The following MFAP3 variants were observed in gnomAD, a reference collection of about 807,000 sequenced individuals.
MFAP3 encodes microfibril associated protein 3.
MFAP3 carries 8 observed loss-of-function variants against 20.5 expected under a neutral mutation model. That is an observed-to-expected ratio of 0.39 (90% CI 0.23 to 0.70). The LOEUF (loss-of-function observed/expected upper bound fraction) is 0.70, where lower values mean the gene tolerates loss of function less well. Ranked by LOEUF, MFAP3 falls within the 30% of genes least tolerant of loss-of-function variation. MFAP3 has a pLI of 0.44. For missense variants in MFAP3, 398 were observed against 444.6 expected, an observed-to-expected ratio of 0.90 and a Z score of 0.94; for synonymous variants, 140 against 154.0, an observed-to-expected ratio of 0.91 and a Z score of 0.67.
chr5:154,043,656 C>T (rs1157446547), intron 1 of MFAP3, among the ~76,000 whole-genome samples: 1 of 151,996 alleles, frequency 6.6e-6, no homozygotes, highest in Admixed American at 6.6e-5. Context: ...GAAGGTGACA[C>T]TTTGGTTTTC....
At chr5:154,047,040 G>C (rs1435038824) in intron 1 of MFAP3, among the ~76,000 whole-genome samples, 2 of 152,090 alleles carry the variant, frequency 1.3e-5, no homozygotes, top group African/African-American at 4.8e-5. Flanking sequence ...CAATTTTTTA[G>C]CTGTTTTTTG....
chr5:154,049,069 T>G (rs1349445761), intron 1 of MFAP3, among the ~76,000 whole-genome samples: 1 of 152,186 alleles, frequency 6.6e-6, no homozygotes, highest in African/African-American at 2.4e-5. Context: ...ATTACTCAAA[T>G]TTTGAGCTCC....
rs1307836557 is a variant in MFAP3, at chr5:154,055,344, AC to A, written c.*1632del. Among the ~76,000 whole-genome samples the A allele has an allele frequency of 1.3e-5, 2 of 152,232 alleles. No individual in the cohort carries two copies. Among genetic ancestry groups the A allele is most frequent in the African/African-American group, 4.8e-5 (2 of 41,466 alleles). Reference sequence around the variant, plus strand: ...TTTGTCCAGGCTTATCAGAAGTAATACATCTGCTCTGAATAGCATGAATGAA... The same window carrying A: ...TTTGTCCAGGCTTATCAGAAGTAATAATCTGCTCTGAATAGCATGAATGAA... On this transcript the variant is annotated 3_prime_UTR_variant, in exon 3 of 3. Transcript: ENST00000522782.
chr5:154,044,079 C>T (rs557212173), intron 1 of MFAP3, among the ~76,000 whole-genome samples: 1 of 152,322 alleles, frequency 6.6e-6, no homozygotes, highest in South Asian at 2.1e-4. Flanking sequence ...TGTTTCTGGG[C>T]TGTCTTTCAA....
At chr5:154,051,190 G>T (rs1773184169) in intron 2 of MFAP3, among the ~76,000 whole-genome samples, 1 of 152,104 alleles carries the variant, frequency 6.6e-6, no homozygotes, top group Admixed American at 6.6e-5. Context: ...ATGATTTGGG[G>T]TTCCATATTT....
At chr5:154,049,217 A>G (rs1270588333) in intron 1 of MFAP3, among the ~76,000 whole-genome samples, 1 of 152,198 alleles carries the variant, frequency 6.6e-6, no homozygotes, top group African/African-American at 2.4e-5. Flanking sequence ...TCAGAATGAA[A>G]TAGAATCATG....
Position 154,053,068 on chromosome 5 carries a change from T to G in MFAP3, c.444T>G (p.Ser148Arg). ...TTATCTTCACCTCGGGAGACATGAG[T>G]GTCTATTACATGATTGTTTGCCTGA... ...LRVIFTSGDM[S>R]VYYMIVCLIA... Residue 148 changes from serine (S) to arginine (R), a missense_variant, in exon 3 of 3, where the codon AGT becomes AGG. Transcript: ENST00000522782. 1 of 1,613,800 alleles carries G rather than the reference T, an allele frequency of 6.2e-7. No individual in the cohort carries two copies. Among genetic ancestry groups the G allele is most frequent in the Non-Finnish European group, 8.5e-7 (1 of 1,179,870 alleles).
At chr5:154,046,277 AG>A (rs1773071455) in intron 1 of MFAP3, among the ~76,000 whole-genome samples, 1 of 152,250 alleles carries the variant, frequency 6.6e-6, no homozygotes, top group Admixed American at 6.5e-5. Flanking sequence ...TTTGTTTCAG[AG>A]AATTTATAAT....
chr5:154,041,800 A>G (rs1171306975), intron 1 of MFAP3, among the ~76,000 whole-genome samples: 1 of 152,254 alleles, frequency 6.6e-6, no homozygotes, highest in Non-Finnish European at 1.5e-5. Context: ...CAGGTGAGAT[A>G]AAAGGATATG....
At position 154,045,293 on chromosome 5, in the gene MFAP3, C is replaced by T. The variant is rs1012011360; in HGVS notation, c.-166-4264C>T. Among the ~76,000 whole-genome samples, 11 of 152,096 alleles carry T rather than the reference C, an allele frequency of 7.2e-5. No individual in the cohort carries two copies. In the East Asian group the frequency reaches 1.2e-3, roughly 16 times the overall value. ...GGGGAGCCGTTGGGTAAGTAGATCACGACAAATCTTCTCTACCACAAACTG... is the reference window on the plus strand; with the variant it reads ...GGGGAGCCGTTGGGTAAGTAGATCATGACAAATCTTCTCTACCACAAACTG... On this transcript the variant is annotated intron_variant, in intron 1 of 2. Transcript: ENST00000522782.
chr5:154,041,055 C>G (rs1043872720), intron 1 of MFAP3, among the ~76,000 whole-genome samples: 1 of 151,416 alleles, frequency 6.6e-6, no homozygotes, highest in Non-Finnish European at 1.5e-5. Context: ...GTCTTTTGAA[C>G]GGATAACTAA....
At chr5:154,040,390 T>C (rs1772901453) in intron 1 of MFAP3, among the ~76,000 whole-genome samples, 1 of 152,238 alleles carries the variant, frequency 6.6e-6, no homozygotes, top group Non-Finnish European at 1.5e-5. Context: ...AATGTCTGGC[T>C]GAATAAAAGA....
At chr5:154,046,250 T>C (rs988139982) in intron 1 of MFAP3, among the ~76,000 whole-genome samples, 4 of 152,192 alleles carry the variant, frequency 2.6e-5, no homozygotes, top group Admixed American at 2.0e-4. Flanking sequence ...CTTCCAAGAT[T>C]GTTAGCATTG....
At chr5:154,045,564 A>G (rs1053946469) in intron 1 of MFAP3, among the ~76,000 whole-genome samples, 15 of 152,228 alleles carry the variant, frequency 9.9e-5, no homozygotes, top group African/African-American at 3.4e-4. Context: ...AATATCTGAA[A>G]GAACCATGAA....
At chr5:154,044,719 A>T (rs1773036333) in intron 1 of MFAP3, among the ~76,000 whole-genome samples, 1 of 152,180 alleles carries the variant, frequency 6.6e-6, no homozygotes, top group Non-Finnish European at 1.5e-5. Context: ...TCTTGGCCAC[A>T]TGGGCAGTTT....
intron 2 of MFAP3, chr5:154,051,978 A>G (rs1773201561): frequency 6.6e-6 from 1 of 151,024 alleles, no homozygotes; most frequent in Admixed American, 6.6e-5. Context: ...AATGGCTTTC[A>G]TAGTTAAAGC....
Position 154,057,392 on chromosome 5 carries a change from A to G in MFAP3, c.*3679A>G, listed in dbSNP as rs1229156276. On this transcript the variant is annotated 3_prime_UTR_variant, in exon 3 of 3. Coordinates refer to ENST00000522782, the MANE Select transcript of MFAP3 (RefSeq NM_005927.5). ...TTATAATTTTGTCTCTTTTTTAAAGAAAGTCATACTTGAATATAATTTATT... is the reference window on the plus strand; with the variant it reads ...TTATAATTTTGTCTCTTTTTTAAAGGAAGTCATACTTGAATATAATTTATT... Among the ~76,000 whole-genome samples the G allele has an allele frequency of 1.3e-5, 2 of 152,238 alleles. No homozygotes were observed. Among genetic ancestry groups the G allele is most frequent in the East Asian group, 1.9e-4 (1 of 5,206 alleles).
rs1485435468 is a variant in MFAP3 at position 154,053,928 on chromosome 5, A to G, written c.*215A>G. ...GTCATTTTCCTTAGAGCTTTATTAA[A>G]TTATGCATGCTAAGATTTAAAGGAG... On this transcript the variant is annotated 3_prime_UTR_variant, in exon 3 of 3. Coordinates refer to ENST00000522782, the MANE Select transcript of MFAP3 (RefSeq NM_005927.5). The G allele has an allele frequency of 3.9e-6, 2 of 517,012 alleles. No individual in the cohort carries two copies. The highest frequency in any genetic ancestry group is 3.8e-5 in the African/African-American group (2 of 52,176). 32.0% of individuals were successfully genotyped at this position (517,012 alleles called of 1,614,324 possible). A position where few individuals can be genotyped will look rare whatever the true frequency, so the allele number is the denominator to read the frequency against.
In MFAP3 at chr5:154,053,178, A is replaced by G. The variant is rs1232303457; in HGVS notation, c.554A>G (p.Asn185Ser). ...CTTCGCAAGACTGAGAAGGCTATCAATGAGTTCTTTAGAACTGAAGGGGCT... is the reference window on the plus strand; with the variant it reads ...CTTCGCAAGACTGAGAAGGCTATCAGTGAGTTCTTTAGAACTGAAGGGGCT... Reference protein sequence around the residue: ...SHLRKTEKAINEFFRTEGAEK... With the variant: ...SHLRKTEKAISEFFRTEGAEK... The change falls in exon 3 of 3, where the codon AAT (asparagine) becomes AGT (serine). Residue 185 changes from asparagine (N) to serine (S), a missense_variant. Asn to Ser is a conservative substitution (Grantham distance 46). Transcript: ENST00000522782. 2.5e-6 allele frequency: 4 copies of G among 1,613,950 alleles called. No homozygotes were observed. Among genetic ancestry groups the G allele is most frequent in the Non-Finnish European group, 3.4e-6 (4 of 1,179,908 alleles).
Sources: gnomAD v4.1 joint callset for allele counts (sites outside exome capture counted in the v4.1 genomes callset) on GRCh38, gnomAD v4.1.1 for gene constraint, MANE v1.5 for transcripts, NCBI Gene and HGNC (gene_info 2026-07-23, HGNC 2026-07-21) for gene names.